The following DACH1 variants were observed in gnomAD, a reference collection of about 807,000 sequenced individuals.
The protein encoded by DACH1 is dachshund homolog 1.
DACH1 carries 12 observed loss-of-function variants against 54.2 expected under a neutral mutation model. That is an observed-to-expected ratio of 0.22 (90% CI 0.14 to 0.36). The LOEUF (loss-of-function observed/expected upper bound fraction) is 0.36. Ranked by LOEUF, DACH1 falls within the 10% of genes least tolerant of loss-of-function variation. The pLI, the probability that DACH1 is intolerant of heterozygous loss-of-function variation, is 1.00. For synonymous variants in DACH1, 386 were observed against 366.2 expected (o/e 1.05, Z -0.62); for missense variants, 805 against 929.8 (o/e 0.87, Z 1.75).
At chr13:71,748,596 T>A (rs1884711813) in intron 1 of DACH1, among the ~76,000 whole-genome samples, 1 of 152,222 alleles carries the variant, frequency 6.6e-6, no homozygotes, top group African/African-American at 2.4e-5. Context: ...AACAGGTCCC[T>A]CTTTGTCTAC....
chr13:71,783,650 A>G lies in DACH1; in HGVS notation c.848+82272T>C, dbSNP rs73525469. Among the ~76,000 whole-genome samples the G allele has an allele frequency of 9.1e-3, 1,385 of 152,232 alleles. 14 individuals carry two copies. Among genetic ancestry groups the G allele is most frequent in the African/African-American group, 0.031 (1,305 of 41,544 alleles). ...GAAAGGCAGAGAAGAAGGAATGGTT[A>G]CAATAGATTATAAGAAGGAGTCTTA... On this transcript the variant is annotated intron_variant, in intron 1 of 10. Transcript: ENST00000613252.
intron 2 of DACH1, chr13:71,674,996 C>A (rs1880463635): frequency 2.8e-6 from 2 of 702,620 alleles, no homozygotes; most frequent in African/African-American, 3.7e-5. Flanking sequence ...TCTCCAACGC[C>A]AGCGCCGCCT....
chr13:71,531,978 A>C (rs1387308087), intron 6 of DACH1, among the ~76,000 whole-genome samples: 2 of 151,968 alleles, frequency 1.3e-5, no homozygotes, highest in Admixed American at 1.3e-4. Flanking sequence ...ATATGTGCAT[A>C]CTATACTGTG....
chr13:71,459,046 G>A (rs1409841918), intron 10 of DACH1, among the ~76,000 whole-genome samples: 3 of 151,806 alleles, frequency 2.0e-5, no homozygotes, highest in Non-Finnish European at 4.4e-5. Context: ...ACGGACAATA[G>A]TTTGCCAAAG....
intron 6 of DACH1, among the ~76,000 whole-genome samples, chr13:71,517,314 GAATCT>G (rs1881235550): frequency 6.6e-6 from 1 of 150,774 alleles, no homozygotes; most frequent in African/African-American, 2.4e-5. Flanking sequence ...CCCATAACAT[GAATCT>G]ACACATTATT....
chr13:71,471,074 A>T (rs933525980), intron 10 of DACH1, among the ~76,000 whole-genome samples: 17 of 152,260 alleles, frequency 1.1e-4, no homozygotes, highest in African/African-American at 3.4e-4. Context: ...AAGTAAAGGC[A>T]AGGAAGAAGA....
intron 1 of DACH1, among the ~76,000 whole-genome samples, chr13:71,862,832 A>G (rs1874444040): frequency 6.6e-6 from 1 of 152,114 alleles, no homozygotes; most frequent in South Asian, 2.1e-4. Context: ...AGAGATAGAC[A>G]TAGTTTCTGT....
chr13:71,590,319 G>T (rs1411501641), intron 3 of DACH1, among the ~76,000 whole-genome samples: 2 of 152,138 alleles, frequency 1.3e-5, no homozygotes. Flanking sequence ...TACTTATATT[G>T]TGTTTTAAAT....
At chr13:71,835,040 C>T (rs1026986708) in intron 1 of DACH1, among the ~76,000 whole-genome samples, 1 of 151,926 alleles carries the variant, frequency 6.6e-6, no homozygotes, top group Non-Finnish European at 1.5e-5. Flanking sequence ...GCAAGCTTGC[C>T]AAAATTTTTC....
In DACH1 at chr13:71,448,823, G is replaced by GT. The variant is rs1440920751; in HGVS notation, c.2084-8132_2084-8131insA. 8.6e-3 allele frequency among the ~76,000 whole-genome samples: 389 copies of GT among 45,254 alleles called. No individual in the cohort carries two copies. In the South Asian group the frequency reaches 0.11, roughly 13 times the overall value. The allele number at this position is 45,254 out of a possible 152,430, so 29.7% of individuals were successfully genotyped here. On this transcript the variant is annotated intron_variant, in intron 10 of 10. Coordinates refer to ENST00000613252, the MANE Select transcript of DACH1 (RefSeq NM_080759.6). ...CTGAAAAAGTAGTAACAGATTCTGT[G>GT]GTTTTTTTTTTTTTTCAAGGTTGTA... is the stretch of plus-strand genomic sequence containing the variant.
At chr13:71,489,511 T>C (rs1334946260) in intron 6 of DACH1, among the ~76,000 whole-genome samples, 1 of 152,126 alleles carries the variant, frequency 6.6e-6, no homozygotes, top group Admixed American at 6.6e-5. Context: ...GGATTGACAA[T>C]AGAGTATTTC....
chr13:71,847,211 A>G (rs1192050912), intron 1 of DACH1, among the ~76,000 whole-genome samples: 2 of 152,172 alleles, frequency 1.3e-5, no homozygotes, highest in African/African-American at 4.8e-5. Context: ...AGTGTTACAT[A>G]TATTTTCATT....
intron 6 of DACH1, among the ~76,000 whole-genome samples, chr13:71,551,511 G>A (rs987328078): frequency 6.6e-6 from 1 of 151,978 alleles, no homozygotes; most frequent in South Asian, 2.1e-4. Context: ...CATGAGATAC[G>A]CTTTTGTAGT....
intron 6 of DACH1, among the ~76,000 whole-genome samples, chr13:71,535,076 A>G (rs9592800): frequency 0.087 from 13,224 of 151,810 alleles, 1,133 homozygotes; most frequent in African/African-American, 0.22. Context: ...GTTTCATAAA[A>G]CTATTTTAAT....
chr13:71,832,407 C>T (rs959358822), intron 1 of DACH1, among the ~76,000 whole-genome samples: 1 of 151,718 alleles, frequency 6.6e-6, no homozygotes, highest in Non-Finnish European at 1.5e-5. Context: ...ATGCATGGGG[C>T]CTGCATAAAC....
chr13:71,609,418 T>C (rs1388792772), intron 3 of DACH1, among the ~76,000 whole-genome samples: 3 of 152,206 alleles, frequency 2.0e-5, no homozygotes, highest in African/African-American at 7.2e-5. Context: ...GTGTACATAC[T>C]ATAAACAGGA....
At chr13:71,862,843 A>G (rs1874445020) in intron 1 of DACH1, among the ~76,000 whole-genome samples, 1 of 152,104 alleles carries the variant, frequency 6.6e-6, no homozygotes, top group Non-Finnish European at 1.5e-5. Flanking sequence ...TAGTTTCTGT[A>G]AAAAGCTGAG....
chr13:71,634,917 G>C (rs1036425495), intron 2 of DACH1, among the ~76,000 whole-genome samples: 1 of 152,184 alleles, frequency 6.6e-6, no homozygotes, highest in African/African-American at 2.4e-5. Flanking sequence ...AATTCCAGTA[G>C]AGAAAAACAG....
chr13:71,665,766 C>G (rs1879790904), intron 2 of DACH1, among the ~76,000 whole-genome samples: 1 of 151,752 alleles, frequency 6.6e-6, no homozygotes. Flanking sequence ...ATGAATGTTA[C>G]CTAAAGAGAT....
Sources: gnomAD v4.1 joint callset for allele counts (sites outside exome capture counted in the v4.1 genomes callset) on GRCh38, gnomAD v4.1.1 for gene constraint, MANE v1.5 for transcripts, NCBI Gene and HGNC (gene_info 2026-07-23, HGNC 2026-07-21) for gene names.